TGFA: variants seen among roughly 807,000 people sequenced by gnomAD.
The protein encoded by TGFA is protransforming growth factor alpha.
TGFA carries 12 observed loss-of-function variants against 21.7 expected under a neutral mutation model. The observed-to-expected ratio is 0.55, with a 90% confidence interval of 0.35 to 0.90. TGFA has a LOEUF of 0.90. Ranked by LOEUF, TGFA falls within the 40% of genes least tolerant of loss-of-function variation. The pLI, the probability that TGFA is intolerant of heterozygous loss-of-function variation, is 0.01. For missense variants in TGFA, 178 were observed against 210.8 expected (o/e 0.84, Z 0.96); for synonymous variants, 79 against 88.1 (o/e 0.90, Z 0.58).
chr2:70,529,108 T>G (rs782400560), intron 1 of TGFA, among the ~76,000 whole-genome samples: 1 of 152,234 alleles, frequency 6.6e-6, no homozygotes, highest in Non-Finnish European at 1.5e-5. Flanking sequence ...GTTTTCTGTC[T>G]CCTTGGGACC....
At chr2:70,461,692 T>C (rs1202333745) in intron 3 of TGFA, 1 of 152,162 alleles carries the variant, frequency 6.6e-6, no homozygotes, top group Non-Finnish European at 1.5e-5. Flanking sequence ...AGACCAATGG[T>C]GTGGGGAATC....
At chr2:70,458,181 C>T (rs1235245398) in intron 3 of TGFA, among the ~76,000 whole-genome samples, 1 of 152,168 alleles carries the variant, frequency 6.6e-6, no homozygotes, top group Non-Finnish European at 1.5e-5. Flanking sequence ...GCTCTCCCTG[C>T]AGGCACTGGC....
At chr2:70,527,017 T>G (rs1329669030) in intron 1 of TGFA, among the ~76,000 whole-genome samples, 2 of 152,232 alleles carry the variant, frequency 1.3e-5, no homozygotes, top group Non-Finnish European at 2.9e-5. Flanking sequence ...GATAAAGTGG[T>G]CCAGACACTT....
intron 2 of TGFA, among the ~76,000 whole-genome samples, chr2:70,477,774 T>C (rs57403325): frequency 0.28 from 41,942 of 151,990 alleles, 6,532 homozygotes; most frequent in East Asian, 0.4. Context: ...CCTGGGTCCT[T>C]GAATAAGCAC....
chr2:70,503,579 T>TAAAAAAAA (rs372379367), intron 2 of TGFA, among the ~76,000 whole-genome samples: 1 of 134,480 alleles, frequency 7.4e-6, no homozygotes. Flanking sequence ...ATAATAATAA[T>TAAAAAAAA]AATAAAAAAA....
intron 1 of TGFA, among the ~76,000 whole-genome samples, chr2:70,533,911 T>C (rs1420953240): frequency 6.6e-6 from 1 of 152,000 alleles, no homozygotes; most frequent in Non-Finnish European, 1.5e-5. Context: ...AAGAAGTCTG[T>C]CTCACTGGTT....
chr2:70,553,456 G>A (rs1002780866), intron 1 of TGFA: 2 of 1,414,316 alleles, frequency 1.4e-6, no homozygotes, highest in African/African-American at 2.9e-5. Flanking sequence ...TAAAGTTCAA[G>A]CCCGTTCACA....
intron 1 of TGFA, chr2:70,553,375 G>A (rs868932359): frequency 4.8e-6 from 7 of 1,458,194 alleles, no homozygotes; most frequent in Non-Finnish European, 6.3e-6. Context: ...CGGCTGAGCC[G>A]GGCTTGGAGG....
intron 1 of TGFA, among the ~76,000 whole-genome samples, chr2:70,552,214 T>C (rs1211662850): frequency 6.6e-6 from 1 of 152,206 alleles, no homozygotes; most frequent in African/African-American, 2.4e-5. Flanking sequence ...TCCTCTGCTA[T>C]ATAATGAGAA....
chr2:70,551,230 C>A (rs1673496038), intron 1 of TGFA, among the ~76,000 whole-genome samples: 1 of 152,168 alleles, frequency 6.6e-6, no homozygotes, highest in South Asian at 2.1e-4. Flanking sequence ...ACACATCTTG[C>A]TCCGTGAACA....
At chr2:70,530,569 T>G (rs1672784014) in intron 1 of TGFA, among the ~76,000 whole-genome samples, 1 of 152,232 alleles carries the variant, frequency 6.6e-6, no homozygotes, top group Admixed American at 6.5e-5. Context: ...TTCAAAGCCC[T>G]CCTGGGCCAC....
intron 2 of TGFA, chr2:70,467,544 T>C (rs1670605925): frequency 6.6e-6 from 1 of 152,234 alleles, no homozygotes; most frequent in Admixed American, 6.5e-5. Flanking sequence ...TGAGGCATGG[T>C]ATGTAGCTAT....
At chr2:70,453,413 G>T (rs1559095810) in intron 4 of TGFA, 86 bp from the exon 5 acceptor site, 2 of 1,221,012 alleles carry the variant, frequency 1.6e-6, no homozygotes, top group Admixed American at 1.9e-5. Context: ...GGCCTGCTGG[G>T]CAGCTCCAGC....
chr2:70,540,658 TA>T (rs2103931388), intron 1 of TGFA, among the ~76,000 whole-genome samples: 1 of 152,274 alleles, frequency 6.6e-6, no homozygotes, highest in East Asian at 1.9e-4. Flanking sequence ...GTAGAAATCA[TA>T]AAGGGATTAT....
At chr2:70,502,981 C>T (rs190803588) in intron 2 of TGFA, among the ~76,000 whole-genome samples, 13 of 152,196 alleles carry the variant, frequency 8.5e-5, no homozygotes, top group South Asian at 2.1e-4. Flanking sequence ...GGTTAAGAAA[C>T]GGAACTAGTT....
intron 2 of TGFA, among the ~76,000 whole-genome samples, chr2:70,497,750 T>C (rs554877155): frequency 2.6e-5 from 4 of 152,360 alleles, no homozygotes; most frequent in South Asian, 2.1e-4. Flanking sequence ...ACCTTGGCCA[T>C]GTCAGCCTGA....
At chr2:70,542,792 C>G (rs1673170888) in intron 1 of TGFA, among the ~76,000 whole-genome samples, 1 of 152,180 alleles carries the variant, frequency 6.6e-6, no homozygotes, top group Admixed American at 6.5e-5. Flanking sequence ...TTTACCTGGT[C>G]TTATGGGAAC....
chr2:70,543,536 A>G (rs955021122), intron 1 of TGFA, among the ~76,000 whole-genome samples: 9 of 151,970 alleles, frequency 5.9e-5, no homozygotes, highest in African/African-American at 7.2e-5. Context: ...AAAAAAAAAA[A>G]AAAGAAAAAA....
intron 2 of TGFA, among the ~76,000 whole-genome samples, chr2:70,507,787 G>A (rs1372614139): frequency 1.3e-5 from 2 of 152,170 alleles, no homozygotes; most frequent in African/African-American, 2.4e-5. Flanking sequence ...TGGTAGATGC[G>A]CTATTAACTG....
Sources: allele counts gnomAD v4.1 joint callset (sites outside exome capture counted in the v4.1 genomes callset), GRCh38; gene constraint gnomAD v4.1.1; transcripts MANE v1.5; gene names NCBI Gene and HGNC (gene_info 2026-07-23, HGNC 2026-07-21).